CCNDBP1: variants seen among roughly 807,000 people sequenced by gnomAD.
The protein encoded by CCNDBP1 is cyclin D1 binding protein 1, also known as cyclin-D1-binding protein 1.
CCNDBP1 carries 45 observed loss-of-function variants against 46.2 expected under a neutral mutation model. That is an observed-to-expected ratio of 0.97 (90% CI 0.77 to 1.25). The LOEUF is 1.25. CCNDBP1 is among the 50% of genes most tolerant of loss of function. The pLI, the probability that CCNDBP1 is intolerant of heterozygous loss-of-function variation, is 0.00. For missense variants in CCNDBP1, 436 were observed against 442.1 expected (o/e 0.99, Z 0.12); for synonymous variants, 154 against 163.6 (o/e 0.94, Z 0.45).
Position 43,194,941 on chromosome 15 carries a change from G to A in CCNDBP1, c.*100G>A, listed in dbSNP as rs1013940819. ...GCTAGAATGCTTGCTGGATTGAAAG[G>A]GAGTGCCTATCTATATTTAGCAAGA... On this transcript the variant is annotated 3_prime_UTR_variant, in exon 11 of 11. Transcript: ENST00000300213. 11 of 725,598 alleles carry A rather than the reference G, an allele frequency of 1.5e-5. No individual in the cohort carries two copies. Among genetic ancestry groups the A allele is most frequent in the Non-Finnish European group, 2.6e-5 (11 of 424,088 alleles). The allele number at this position is 725,598 out of a possible 1,614,324, so 44.9% of individuals were successfully genotyped here.
At chr15:43,192,021 T>A (rs1242716671) in intron 8 of CCNDBP1, among the ~76,000 whole-genome samples, 4 of 152,208 alleles carry the variant, frequency 2.6e-5, no homozygotes, top group Non-Finnish European at 4.4e-5. Flanking sequence ...TCCAAGAAAT[T>A]TGACATTGAA....
intron 3 of CCNDBP1, among the ~76,000 whole-genome samples, chr15:43,188,229 A>G (rs1398160691): frequency 2.0e-5 from 3 of 152,218 alleles, no homozygotes; most frequent in African/African-American, 7.2e-5. Flanking sequence ...AGGACAAGGA[A>G]GATGAGAAAG....
chr15:43,189,216 T>C lies in CCNDBP1; in HGVS notation c.267T>C (p.Cys89=), dbSNP rs2041909360. The C allele has an allele frequency of 1.2e-6, 2 of 1,611,762 alleles. No homozygotes were observed. The highest frequency in any genetic ancestry group is 2.2e-5 in the East Asian group (1 of 44,834). ...TTTCATAGGAAACCCAGAAGTTCTG[T>C]GAACAAGTCCATGCTGCCATCAAGG... is the stretch of plus-strand genomic sequence containing the variant. ...LPSPQETQKF[C]EQVHAAIKAF... is the part of the protein sequence containing the mutation. The change falls in exon 4 of 11, where the codon TGT becomes TGC. Residue 89 remains cysteine, a synonymous_variant. Coordinates refer to ENST00000300213, the MANE Select transcript of CCNDBP1 (RefSeq NM_012142.5).
At chr15:43,193,857 A>G (rs1463475366) in intron 9 of CCNDBP1, among the ~76,000 whole-genome samples, 1 of 152,130 alleles carries the variant, frequency 6.6e-6, no homozygotes, top group Non-Finnish European at 1.5e-5. Flanking sequence ...TTTTGGCATT[A>G]ACTTTTAAAA....
At position 43,186,144 on chromosome 15, in the gene CCNDBP1, C is replaced by A; in HGVS notation, c.170-10C>A. ...TATTGGCACCTGCCTCCTCTTCGGC[C>A]ACCCCCCAGATGAGGCAGCTGTGAC... On this transcript the variant is annotated splice_polypyrimidine_tract_variant and intron_variant, in intron 2 of 10. Transcript: ENST00000300213. The A allele has an allele frequency of 6.2e-7, 1 of 1,613,586 alleles. No homozygotes were observed. The highest frequency in any genetic ancestry group is 8.5e-7 in the Non-Finnish European group (1 of 1,179,588).
intron 9 of CCNDBP1, chr15:43,194,127 G>T (rs1596396085): frequency 3.2e-6 from 1 of 314,154 alleles, no homozygotes; most frequent in Non-Finnish European, 5.8e-6. Flanking sequence ...CAGCATTTGG[G>T]ACCAATTCAG....
chr15:43,185,972 C>G, intron 2 of CCNDBP1, 93 bp downstream of exon 2: 2 of 1,293,144 alleles, frequency 1.5e-6, no homozygotes, highest in Non-Finnish European at 2.2e-6. Flanking sequence ...GGGGACTGCT[C>G]TCCCCCGCTG....
chr15:43,196,716 A>C lies in CCNDBP1; in HGVS notation c.*1875A>C, dbSNP rs1212692585. On this transcript the variant is annotated 3_prime_UTR_variant, in exon 11 of 11. Coordinates refer to ENST00000300213, the MANE Select transcript of CCNDBP1 (RefSeq NM_012142.5). ...CTGTAAGTTAATGAATGTATTAATG[A>C]GCAGTAAAATGGTTGCAAAAAACCT... is the stretch of plus-strand genomic sequence containing the variant. 1 of 160,752 alleles carries C rather than the reference A, an allele frequency of 6.2e-6. No individual in the cohort carries two copies. Among genetic ancestry groups the C allele is most frequent in the African/African-American group, 2.4e-5 (1 of 41,524 alleles). 10.0% of individuals were successfully genotyped at this position (160,752 alleles called of 1,614,324 possible).
intron 4 of CCNDBP1, 188 bp from the exon 5 acceptor site, chr15:43,189,867 C>A: frequency 1.8e-6 from 1 of 560,244 alleles, no homozygotes; most frequent in South Asian, 2.5e-5. Context: ...GAAGAAAACA[C>A]TAAGGAATGG....
At chr15:43,189,722 AATACATGTCATGG>A (rs894151988) in intron 4 of CCNDBP1, 3 of 355,214 alleles carry the variant, frequency 8.4e-6, no homozygotes, top group African/African-American at 6.3e-5. Flanking sequence ...ATTATAACTG[AATACATGTCATGG>A]ATCTTCAGGG....
At chr15:43,185,978 C>T (rs568018749) in intron 2 of CCNDBP1, 99 bp downstream of exon 2, 13 of 1,269,016 alleles carry the variant, frequency 1.0e-5, no homozygotes, top group Middle Eastern at 3.7e-4. Flanking sequence ...TGCTCTCCCC[C>T]GCTGCATCCT....
intron 4 of CCNDBP1, chr15:43,189,575 A>G: frequency 2.7e-6 from 1 of 370,484 alleles, no homozygotes. Flanking sequence ...GCTGGCTCTC[A>G]GCCCCATATG....
intron 8 of CCNDBP1, among the ~76,000 whole-genome samples, chr15:43,192,308 C>T (rs1351778910): frequency 2.0e-5 from 3 of 152,174 alleles, no homozygotes; most frequent in Non-Finnish European, 2.9e-5. Context: ...TTTTGTACAT[C>T]TCATTTTATC....
rs755557857 is a variant in CCNDBP1, at chr15:43,186,200, A to T, written c.216A>T (p.Ile72=). The T allele has an allele frequency of 1.1e-5, 18 of 1,614,100 alleles. No homozygotes were observed. The South Asian group carries it at 2.0e-4, about 18-fold the overall frequency. ...TVSREATTLT[I]VFSQLPLPSP... Reference sequence around the variant, plus strand: ...CAAGGGAAGCCACGACTCTGACCATAGTCTTCTCTCAGCTTCCACTGCCGT... The same window carrying T: ...CAAGGGAAGCCACGACTCTGACCATTGTCTTCTCTCAGCTTCCACTGCCGT... Residue 72 remains isoleucine, a synonymous_variant, in exon 3 of 11, where the codon ATA becomes ATT. Coordinates refer to ENST00000300213, the MANE Select transcript of CCNDBP1 (RefSeq NM_012142.5).
rs1078243 is a variant in CCNDBP1 at position 43,185,958 on chromosome 15, C to G, written c.169+79C>G. ...CCCCTTTTCCTCCCGCTGTCCCCCA[C>G]GGAGGGGACTGCTCTCCCCCGCTGC... On this transcript the variant is annotated intron_variant, in intron 2 of 10. Coordinates refer to ENST00000300213, the MANE Select transcript of CCNDBP1 (RefSeq NM_012142.5). The G allele has an allele frequency of 0.014, 19,874 of 1,403,438 alleles. 1,926 individuals are homozygous for G. In the African/African-American group the frequency reaches 0.22, roughly 16 times the overall value. 86.9% of individuals were successfully genotyped at this position (1,403,438 alleles called of 1,614,324 possible).
Position 43,197,031 on chromosome 15 carries a change from A to G in CCNDBP1, c.*2190A>G. ...AGGCTGGCACCTGGCACTTACCCCT[A>G]CCCCTCAACCCATTCTTGCCCTGTG... On this transcript the variant is annotated 3_prime_UTR_variant, in exon 11 of 11. Transcript: ENST00000300213. 2.2e-6 allele frequency: 1 copy of G among 453,288 alleles called. No homozygotes were observed. The highest frequency in any genetic ancestry group is 4.1e-6 in the Non-Finnish European group (1 of 246,364). 28.1% of individuals were successfully genotyped at this position (453,288 alleles called of 1,614,324 possible).
Position 43,195,384 on chromosome 15 carries a change from A to G in CCNDBP1, c.*543A>G, listed in dbSNP as rs1378796166. 1 of 152,290 alleles carries G rather than the reference A, an allele frequency of 6.6e-6. No individual in the cohort carries two copies. Among genetic ancestry groups the G allele is most frequent in the African/African-American group, 2.4e-5 (1 of 41,452 alleles). 9.4% of individuals were successfully genotyped at this position (152,290 alleles called of 1,614,324 possible). A position where few individuals can be genotyped will look rare whatever the true frequency, so the allele number is the denominator to read the frequency against. The stretch of plus-strand genomic sequence containing the variant: ...GTATTTCACCATGTTATATATTATT[A>G]TCAGCAAGTCCTTCTGAATATTATC... On this transcript the variant is annotated 3_prime_UTR_variant, in exon 11 of 11. Transcript: ENST00000300213.
Position 43,185,588 on chromosome 15 carries a change from G to T in CCNDBP1, c.90G>T (p.Leu30Phe). The T allele has an allele frequency of 6.4e-7, 1 of 1,573,704 alleles. No homozygotes were observed. Among genetic ancestry groups the T allele is most frequent in the South Asian group, 1.2e-5 (1 of 86,460 alleles). ...QLRHLAEELRLLLPRVRVGEA... is the reference protein window; with the variant it reads ...QLRHLAEELRFLLPRVRVGEA... ...GGCACTTGGCGGAGGAGCTGCGGTTGCTCCTGCCTCGAGTGCGGGGTGAGC... is the reference window on the plus strand; with the variant it reads ...GGCACTTGGCGGAGGAGCTGCGGTTTCTCCTGCCTCGAGTGCGGGGTGAGC... Residue 30 changes from leucine to phenylalanine, a missense_variant, in exon 1 of 11, where the codon TTG becomes TTT. By Grantham distance (22) the Leu-to-Phe change is conservative. Transcript: ENST00000300213.
intron 4 of CCNDBP1, chr15:43,189,583 A>G (rs774368386): frequency 6.1e-5 from 22 of 359,028 alleles, no homozygotes; most frequent in Non-Finnish European, 1.0e-4. Flanking sequence ...TCAGCCCCAT[A>G]TGCAGGCTCA....
Sources: gnomAD v4.1 joint callset for allele counts (sites outside exome capture counted in the v4.1 genomes callset) on GRCh38, gnomAD v4.1.1 for gene constraint, MANE v1.5 for transcripts, NCBI Gene and HGNC (gene_info 2026-07-23, HGNC 2026-07-21) for gene names.